NAALADL2: variants seen among roughly 807,000 people sequenced by gnomAD.
NAALADL2 encodes the protein inactive N-acetylated-alpha-linked acidic dipeptidase-like protein 2.
Under a neutral mutation model 87.2 loss-of-function variants are expected in NAALADL2, and 76 were observed. The ratio of observed to expected loss-of-function variants is 0.87; its 90% CI spans 0.72 to 1.05. The LOEUF (loss-of-function observed/expected upper bound fraction) is 1.05, where lower values mean the gene tolerates loss of function less well. Ranked by LOEUF, NAALADL2 falls within the 50% of genes least tolerant of loss-of-function variation. NAALADL2 has a pLI of 0.00. For missense variants in NAALADL2, 1,089 were observed against 945.8 expected, an observed-to-expected ratio of 1.15 and a Z score of -1.99; for synonymous variants, 354 against 331.0, an observed-to-expected ratio of 1.07 and a Z score of -0.75.
Position 175,150,234 on chromosome 3 carries a change from TG to T in NAALADL2, c.545+52944del, listed in dbSNP as rs539255101. 3.8e-3 allele frequency among the ~76,000 whole-genome samples: 572 copies of T among 152,298 alleles called. 3 individuals carry two copies. Among genetic ancestry groups the T allele is most frequent in the African/African-American group, 0.012 (511 of 41,568 alleles). On this transcript the variant is annotated intron_variant, in intron 2 of 13. Coordinates refer to ENST00000454872, the MANE Select transcript of NAALADL2 (RefSeq NM_207015.3). The stretch of plus-strand genomic sequence containing the variant: ...CTCAGTTTTTCTGTTTAAAAGCCAT[TG>T]AGGTAGGTGCCAAAAAATTCATGGC...
At chr3:174,863,959 T>A (rs978909207) in intron 1 of NAALADL2, 2 of 427,648 alleles carry the variant, frequency 4.7e-6, no homozygotes, top group Non-Finnish European at 9.3e-6. Flanking sequence ...GACATTTAGA[T>A]ATTGAGGTAA....
At chr3:174,836,559 A>G (rs1723350359) in intron 3 of NAALADL2, among the ~76,000 whole-genome samples, 1 of 151,950 alleles carries the variant, frequency 6.6e-6, no homozygotes, top group African/African-American at 2.4e-5. Flanking sequence ...AACAAAGAAA[A>G]TTAGCTGGAC....
At chr3:175,652,729 C>T (rs1582781256) in intron 11 of NAALADL2, among the ~76,000 whole-genome samples, 1 of 152,160 alleles carries the variant, frequency 6.6e-6, no homozygotes, top group African/African-American at 2.4e-5. Flanking sequence ...CCGCCCGCCT[C>T]GGCCTCCCAA....
chr3:175,571,749 A>C (rs1375989963), intron 9 of NAALADL2, among the ~76,000 whole-genome samples: 1 of 152,198 alleles, frequency 6.6e-6, no homozygotes, highest in South Asian at 2.1e-4. Flanking sequence ...CTATGCCAGG[A>C]ATGTTTTTCT....
rs1289770720 is a variant in NAALADL2 at position 174,554,478 on chromosome 3, ACT to A, written c.-115+3844_-115+3845del. On this transcript the variant is annotated intron_variant, in intron 2 of 3. Coordinates refer to the NAALADL2 transcript ENST00000434257. ...CCCTCCCCTTCCCTGCCTTTTCTTT[ACT>A]CTTTCTCCTTCCTTTTCTCCCCTCC... Among the ~76,000 whole-genome samples the A allele has an allele frequency of 3.4e-5, 5 of 149,068 alleles. No homozygotes were observed. In the East Asian group the frequency reaches 5.9e-4, roughly 18 times the overall value.
intron 11 of NAALADL2, among the ~76,000 whole-genome samples, chr3:175,639,245 C>T (rs953713776): frequency 1.3e-5 from 2 of 151,530 alleles, no homozygotes; most frequent in Non-Finnish European, 1.5e-5. Flanking sequence ...TAACTAATTA[C>T]TTCACTTGTT....
At chr3:174,659,134 A>G (rs1725266978) in intron 2 of NAALADL2, among the ~76,000 whole-genome samples, 1 of 152,176 alleles carries the variant, frequency 6.6e-6, no homozygotes, top group Non-Finnish European at 1.5e-5. Flanking sequence ...AATAGTTATG[A>G]TGTGGAAATT....
intron 11 of NAALADL2, among the ~76,000 whole-genome samples, chr3:175,682,202 T>G (rs1321887678): frequency 6.6e-6 from 1 of 152,048 alleles, no homozygotes; most frequent in Non-Finnish European, 1.5e-5. Context: ...AGAAGTCATC[T>G]AATTATAAGA....
At chr3:175,351,432 A>G (rs182965741) in intron 5 of NAALADL2, among the ~76,000 whole-genome samples, 1 of 150,084 alleles carries the variant, frequency 6.7e-6, no homozygotes, top group African/African-American at 2.4e-5. Context: ...GTATATGCAC[A>G]CACAATCCAC....
intron 5 of NAALADL2, among the ~76,000 whole-genome samples, chr3:175,353,628 TGA>T: frequency 6.6e-6 from 1 of 152,340 alleles, no homozygotes; most frequent in East Asian, 1.9e-4. Context: ...ACTATCATTT[TGA>T]GTTTCAAAGA....
chr3:175,749,732 G>A (rs1051097260), intron 12 of NAALADL2, among the ~76,000 whole-genome samples: 2 of 152,284 alleles, frequency 1.3e-5, no homozygotes, highest in African/African-American at 4.8e-5. Context: ...CATACATCAA[G>A]TTATTTAATA....
At chr3:175,473,089 G>A (rs748783896) in intron 9 of NAALADL2, among the ~76,000 whole-genome samples, 1 of 152,014 alleles carries the variant, frequency 6.6e-6, no homozygotes, top group Non-Finnish European at 1.5e-5. Context: ...AAATTGATGG[G>A]TAAATAGAAA....
At chr3:175,104,481 A>G (rs957840000) in intron 2 of NAALADL2, among the ~76,000 whole-genome samples, 6 of 152,156 alleles carry the variant, frequency 3.9e-5, no homozygotes, top group African/African-American at 2.4e-5. Flanking sequence ...TCTAGTCTCC[A>G]GCCTTACTTT....
At chr3:175,679,064 T>C (rs1347120269) in intron 11 of NAALADL2, among the ~76,000 whole-genome samples, 3 of 151,682 alleles carry the variant, frequency 2.0e-5, no homozygotes, top group Non-Finnish European at 1.5e-5. Flanking sequence ...CACAAGGTGC[T>C]CAGTGGGGGA....
intron 1 of NAALADL2, among the ~76,000 whole-genome samples, chr3:175,004,312 G>C (rs560667175): frequency 6.9e-6 from 1 of 145,078 alleles, no homozygotes; most frequent in Non-Finnish European, 1.5e-5. Context: ...TTAGGAGGTC[G>C]AGGCCACAGT....
intron 1 of NAALADL2, among the ~76,000 whole-genome samples, chr3:175,038,698 C>G (rs1265059602): frequency 6.6e-6 from 1 of 152,054 alleles, no homozygotes; most frequent in Non-Finnish European, 1.5e-5. Context: ...AGTCATTGGT[C>G]CCAAACTGAA....
At chr3:175,308,186 G>A (rs1369638492) in intron 4 of NAALADL2, among the ~76,000 whole-genome samples, 2 of 152,192 alleles carry the variant, frequency 1.3e-5, no homozygotes, top group African/African-American at 4.8e-5. Flanking sequence ...CACATGGAAA[G>A]AAGCTGTGAA....
chr3:174,963,600 G>A (rs146148953), intron 1 of NAALADL2, among the ~76,000 whole-genome samples: 2 of 152,112 alleles, frequency 1.3e-5, no homozygotes, highest in African/African-American at 2.4e-5. Context: ...AGTTTCACAC[G>A]GCGTTGTGAT....
At chr3:175,189,237 G>A (rs1366770571) in intron 2 of NAALADL2, among the ~76,000 whole-genome samples, 1 of 152,134 alleles carries the variant, frequency 6.6e-6, no homozygotes, top group Non-Finnish European at 1.5e-5. Flanking sequence ...ACTAGCAAGA[G>A]CAATCAGACA....
Sources: allele counts gnomAD v4.1 joint callset (sites outside exome capture counted in the v4.1 genomes callset), GRCh38; gene constraint gnomAD v4.1.1; transcripts MANE v1.5; gene names NCBI Gene and HGNC (gene_info 2026-07-23, HGNC 2026-07-21).